The following C3orf18 variants were observed in gnomAD, a reference collection of about 807,000 sequenced individuals.
The protein encoded by C3orf18 is uncharacterized protein C3orf18.
In C3orf18, 12 loss-of-function variants were observed where a neutral mutation model predicts 14.1. The observed-to-expected ratio is 0.85, with a 90% CI of 0.55 to 1.38. The LOEUF (loss-of-function observed/expected upper bound fraction) is 1.38, where lower values mean the gene tolerates loss of function less well. Ranked by LOEUF, C3orf18 falls within the 40% of genes most tolerant of loss-of-function variation. The pLI, the probability that C3orf18 is intolerant of heterozygous loss-of-function variation, is 0.00. For synonymous variants in C3orf18, 82 were observed against 87.9 expected, an observed-to-expected ratio of 0.93 and a Z score of 0.38; for missense variants, 196 against 213.9, an observed-to-expected ratio of 0.92 and a Z score of 0.52.
intron 4 of C3orf18, among the ~76,000 whole-genome samples, chr3:50,561,417 G>T (rs1699961334): frequency 6.6e-6 from 1 of 152,210 alleles, no homozygotes; most frequent in African/African-American, 2.4e-5. Context: ...GCTCAGAGCA[G>T]CAGGGCAAGG....
At chr3:50,563,832 C>T (rs1317486996) in intron 3 of C3orf18, among the ~76,000 whole-genome samples, 3 of 152,242 alleles carry the variant, frequency 2.0e-5, no homozygotes, top group Admixed American at 6.5e-5. Context: ...AGTAAGAGAG[C>T]GTTCTCAAGT....
At chr3:50,567,955 C>T (rs1463537587), upstream of C3orf18, among the ~76,000 whole-genome samples, 1 of 152,240 alleles carries the variant, frequency 6.6e-6, no homozygotes, top group Admixed American at 6.5e-5. Flanking sequence ...CAGGCCCTTC[C>T]GGGCCAGAAC....
In C3orf18 at chr3:50,559,670, G is replaced by T; in HGVS notation, c.476C>A (p.Ala159Asp). ...GTCCCAGGCCACTCACGCATGGATG[G>T]CATTGGCCACATCGGTAAACACCAG... ...SRLVFTDVANAIHA is the reference protein window; with the variant it reads ...SRLVFTDVANDIHA Residue 159 changes from alanine to aspartate, a missense_variant, in exon 6 of 6, where the codon GCC becomes GAC. Ala to Asp is a moderately radical substitution (Grantham distance 126, BLOSUM62 -2). Transcript: ENST00000357203. 6.3e-7 allele frequency: 1 copy of T among 1,589,246 alleles called. No individual in the cohort carries two copies. The highest frequency in any genetic ancestry group is 8.6e-7 in the Non-Finnish European group (1 of 1,167,306).
At chr3:50,566,310 G>A (rs528890295) in intron 1 of C3orf18, among the ~76,000 whole-genome samples, 4 of 151,946 alleles carry the variant, frequency 2.6e-5, no homozygotes, top group South Asian at 4.2e-4. Flanking sequence ...AGACAGGCCT[G>A]TCTTTGAAAC....
upstream of C3orf18, chr3:50,571,981 T>C: frequency 2.1e-6 from 3 of 1,457,756 alleles, no homozygotes; most frequent in Non-Finnish European, 2.8e-6. Flanking sequence ...GGGAGGGTTT[T>C]GCCTCAGGAG....
chr3:50,558,360 A>G lies in C3orf18; in HGVS notation c.*1297T>C, dbSNP rs778873230. The G allele has an allele frequency of 8.2e-6, 2 of 243,226 alleles. No homozygotes were observed. The highest frequency in any genetic ancestry group is 1.6e-5 in the Non-Finnish European group (2 of 122,216). The allele number at this position is 243,226 out of a possible 1,614,324, so 15.1% of individuals were successfully genotyped here. A position where few individuals can be genotyped will look rare whatever the true frequency, so the allele number is the denominator to read the frequency against. On this transcript the variant is annotated 3_prime_UTR_variant, in exon 6 of 6. Transcript: ENST00000357203. ...GCATATGTATGCCCAGCGTAAAAAA[A>G]TGCCCTGCTCTTGTGGTCTGTCTCT... is the stretch of plus-strand genomic sequence containing the variant.
Position 50,565,842 on chromosome 3 carries a change from G to A in C3orf18, c.-143C>T. The A allele has an allele frequency of 3.2e-6, 2 of 616,324 alleles. No homozygotes were observed. Among genetic ancestry groups the A allele is most frequent in the South Asian group, 2.0e-5 (1 of 51,090 alleles). 38.2% of individuals were successfully genotyped at this position (616,324 alleles called of 1,614,324 possible). A position where few individuals can be genotyped will look rare whatever the true frequency, so the allele number is the denominator to read the frequency against. ...ACAGCCACCTCCTTGGATAAAGGGA[G>A]CCCCCTGCCTTCCTGGGTGCTAGAA... is the stretch of plus-strand genomic sequence containing the variant. On this transcript the variant is annotated 5_prime_UTR_variant, in exon 3 of 6. Transcript: ENST00000357203. This position sits in a 1 kb window ranked among gnomAD's most constrained non-coding sequence, Gnocchi z 4.4.
chr3:50,564,755 C>T lies in C3orf18; in HGVS notation c.234+711G>A, dbSNP rs1292685282. 3.3e-5 allele frequency among the ~76,000 whole-genome samples: 5 copies of T among 152,204 alleles called. No homozygotes were observed. The East Asian group carries it at 9.6e-4, about 29-fold the overall frequency. On this transcript the variant is annotated intron_variant, in intron 3 of 5. Coordinates refer to ENST00000357203, the MANE Select transcript of C3orf18 (RefSeq NM_016210.5). ...TGTTCACTGCCAACAGCCTCCCATGCACAGATCATCTTACCCAGACTCTGC... is the reference window on the plus strand; with the variant it reads ...TGTTCACTGCCAACAGCCTCCCATGTACAGATCATCTTACCCAGACTCTGC...
chr3:50,567,879 GCA>G (rs1700458815), upstream of C3orf18: 2 of 152,322 alleles, frequency 1.3e-5, no homozygotes, highest in Admixed American at 1.3e-4. Context: ...GAACCTGGTC[GCA>G]GTTTTTAGAG....
In C3orf18 at chr3:50,560,952, G is replaced by T; in HGVS notation, c.373C>A (p.Gln125Lys). ...LEHGRDAASVQAATSVQAMQG... is the reference protein window; with the variant it reads ...LEHGRDAASVKAATSVQAMQG... The stretch of plus-strand genomic sequence containing the variant: ...ATGGCCTGCACAGAAGTAGCAGCCT[G>T]TACAGAGGCGGCGTCCCGCCCATGC... Residue 125 changes from glutamine to lysine, a missense_variant, in exon 5 of 6, where the codon CAG becomes AAG. Gln to Lys is a moderately conservative substitution (Grantham distance 53). Transcript: ENST00000357203. The T allele has an allele frequency of 1.9e-6, 3 of 1,614,002 alleles. No homozygotes were observed. Among genetic ancestry groups the T allele is most frequent in the Non-Finnish European group, 2.5e-6 (3 of 1,179,976 alleles).
intron 3 of C3orf18, chr3:50,562,288 GTT>G (rs1700027295): frequency 1.0e-4 from 1 of 9,964 alleles, no homozygotes; most frequent in Non-Finnish European, 2.9e-4. Context: ...AGCCCACACA[GTT>G]AGGCCCGGCC....
chr3:50,563,585 T>C (rs1286206545), intron 3 of C3orf18, among the ~76,000 whole-genome samples: 1 of 152,124 alleles, frequency 6.6e-6, no homozygotes, highest in African/African-American at 2.4e-5. Flanking sequence ...CAAGCACTTT[T>C]CCTTCCTGGG....
At chr3:50,571,161 A>G, upstream of C3orf18, 1 of 1,613,224 alleles carries the variant, frequency 6.2e-7, no homozygotes, top group Non-Finnish European at 8.5e-7. Flanking sequence ...GGAGGAGGGG[A>G]AGTACCCGGG....
chr3:50,562,762 G>A (rs1343940042), intron 3 of C3orf18, among the ~76,000 whole-genome samples: 1 of 152,156 alleles, frequency 6.6e-6, no homozygotes, highest in Non-Finnish European at 1.5e-5. Flanking sequence ...CATCAGCCCA[G>A]GTCAACTCCC....
At position 50,558,807 on chromosome 3, in the gene C3orf18, G is replaced by T. The variant is rs1308689497; in HGVS notation, c.*850C>A. The T allele has an allele frequency of 7.8e-7, 1 of 1,289,852 alleles. No homozygotes were observed. The highest frequency in any genetic ancestry group is 1.0e-6 in the Non-Finnish European group (1 of 988,862). The allele number at this position is 1,289,852 out of a possible 1,614,324, so 79.9% of individuals were successfully genotyped here. A position where few individuals can be genotyped will look rare whatever the true frequency, so the allele number is the denominator to read the frequency against. On this transcript the variant is annotated 3_prime_UTR_variant, in exon 6 of 6. Coordinates refer to ENST00000357203, the MANE Select transcript of C3orf18 (RefSeq NM_016210.5). ...GGCAGAGAAGATAGCCTACCCTGAT[G>T]CTCCACTACATACCATGGGGTAGAG... is the stretch of plus-strand genomic sequence containing the variant.
At chr3:50,563,057 C>A (rs1357276582) in intron 3 of C3orf18, among the ~76,000 whole-genome samples, 1 of 152,138 alleles carries the variant, frequency 6.6e-6, no homozygotes, top group Non-Finnish European at 1.5e-5. Context: ...AAAGCACAGC[C>A]CTGTGGTTTA....
At position 50,559,124 on chromosome 3, in the gene C3orf18, A is replaced by G; in HGVS notation, c.*533T>C. ...ATTGCCCTTCTCCTGGCATCCTTGC[A>G]TACTGGACAGTTTCAGCTCCATCTC... On this transcript the variant is annotated 3_prime_UTR_variant, in exon 6 of 6. Transcript: ENST00000357203. 1 of 1,289,826 alleles carries G rather than the reference A, an allele frequency of 7.8e-7. No individual in the cohort carries two copies. Among genetic ancestry groups the G allele is most frequent in the Non-Finnish European group, 1.0e-6 (1 of 988,884 alleles). The allele number at this position is 1,289,826 out of a possible 1,614,324, so 79.9% of individuals were successfully genotyped here. A position where few individuals can be genotyped will look rare whatever the true frequency, so the allele number is the denominator to read the frequency against.
chr3:50,566,337 A>G (rs550176369), intron 1 of C3orf18, among the ~76,000 whole-genome samples: 1 of 152,086 alleles, frequency 6.6e-6, no homozygotes, highest in African/African-American at 2.4e-5. Flanking sequence ...CAGCTGCTTA[A>G]CTAGTGATCC....
chr3:50,562,322 T>G, intron 3 of C3orf18: 1 of 371,564 alleles, frequency 2.7e-6, no homozygotes, highest in Non-Finnish European at 5.3e-6. Context: ...GGGCCCCACC[T>G]ATTGGCTGGG....
Sources: allele counts gnomAD v4.1 joint callset (sites outside exome capture counted in the v4.1 genomes callset), GRCh38; gene constraint gnomAD v4.1.1; non-coding constraint Gnocchi (gnomAD v3.1); transcripts MANE v1.5; gene names NCBI Gene and HGNC (gene_info 2026-07-23, HGNC 2026-07-21).